The following DPYSL2 variants were observed in gnomAD, a reference collection of about 807,000 sequenced individuals.
The protein encoded by DPYSL2 is dihydropyrimidinase-related protein 2.
Under a neutral mutation model 69.9 loss-of-function variants are expected in DPYSL2, and 13 were observed. That is an observed-to-expected ratio of 0.19 (90% CI 0.12 to 0.30). The LOEUF is 0.30. Ranked by LOEUF, DPYSL2 falls within the 10% of genes least tolerant of loss-of-function variation. The pLI is 1.00. For missense variants in DPYSL2, 587 were observed against 918.9 expected (o/e 0.64, Z 4.67); for synonymous variants, 326 against 359.1 (o/e 0.91, Z 1.04).
At chr8:26,541,322 A>G (rs915077433) in intron 1 of DPYSL2, among the ~76,000 whole-genome samples, 6 of 152,244 alleles carry the variant, frequency 3.9e-5, no homozygotes, top group Admixed American at 6.5e-5. Flanking sequence ...TTTAAAATTG[A>G]TGGAGAGATA....
Position 26,554,188 on chromosome 8 carries a change from A to AT in DPYSL2, c.355-27775dup, listed in dbSNP as rs1478163835. Among the ~76,000 whole-genome samples the AT allele has an allele frequency of 3.3e-5, 5 of 152,000 alleles. No homozygotes were observed. The East Asian group carries it at 9.7e-4, about 29-fold the overall frequency. ...CAGGCATGAGCTACCGTGCCTGGCC[A>AT]TTTTTTGGCTTTTTAATAATAGCCA... On this transcript the variant is annotated intron_variant, in intron 1 of 13. Coordinates refer to ENST00000521913, the MANE Select transcript of DPYSL2 (RefSeq NM_001197293.3).
rs1217756892 is a variant in DPYSL2 at position 26,583,680 on chromosome 8, A to G, written c.444-119A>G. 1.1e-5 allele frequency: 10 copies of G among 897,260 alleles called. No homozygotes were observed. The East Asian group carries it at 2.6e-4, about 23-fold the overall frequency. 55.6% of individuals were successfully genotyped at this position (897,260 alleles called of 1,614,324 possible). A position where few individuals can be genotyped will look rare whatever the true frequency, so the allele number is the denominator to read the frequency against. ...TGTTTTATTATGAATCGTAACAATG[A>G]TCTGAAAAGCCCACGGCACAGAGCG... On this transcript the variant is annotated intron_variant, in intron 2 of 13. Coordinates refer to ENST00000521913, the MANE Select transcript of DPYSL2 (RefSeq NM_001197293.3).
In DPYSL2 at chr8:26,627,977, C is replaced by T. The variant is rs757828034; in HGVS notation, c.1005+37C>T. The T allele has an allele frequency of 2.5e-6, 4 of 1,602,292 alleles. No individual in the cohort carries two copies. In the South Asian group the frequency reaches 4.5e-5, roughly 18 times the overall value. On this transcript the variant is annotated intron_variant, in intron 7 of 13. Coordinates refer to ENST00000521913, the MANE Select transcript of DPYSL2 (RefSeq NM_001197293.3). The surrounding 1 kb of genome is among the most constrained non-coding windows in gnomAD (Gnocchi z 6.9). ...CCAAGCGGAATGCGTGAATCAGTGT[C>T]CCTTGGGCACTGTGCAGAGCCTCAG...
rs77560160 is a variant in DPYSL2 at position 26,580,495 on chromosome 8, C to T, written c.355-1474C>T. On this transcript the variant is annotated intron_variant, in intron 1 of 13. Coordinates refer to ENST00000521913, the MANE Select transcript of DPYSL2 (RefSeq NM_001197293.3). This position sits in a 1 kb window ranked among gnomAD's most constrained non-coding sequence, Gnocchi z 4.1. The stretch of plus-strand genomic sequence containing the variant: ...TTCTCCTTTGACTTTCCAAAGTCTA[C>T]GTGAGGATCAGGGACCCTGCAGTGT... Among the ~76,000 whole-genome samples, 8,976 of 152,260 alleles carry T rather than the reference C, an allele frequency of 0.059. 295 individuals are homozygous for T. The highest frequency in any genetic ancestry group is 0.14 in the South Asian group (679 of 4,820).
Position 26,645,974 on chromosome 8 carries a change from T to C in DPYSL2, c.1426-1656T>C, listed in dbSNP as rs143343814. Among the ~76,000 whole-genome samples, 1,460 of 152,256 alleles carry C rather than the reference T, an allele frequency of 9.6e-3. 13 individuals are homozygous for C. The highest frequency in any genetic ancestry group is 0.051 in the Middle Eastern group (15 of 294). On this transcript the variant is annotated intron_variant, in intron 10 of 13. Coordinates refer to ENST00000521913, the MANE Select transcript of DPYSL2 (RefSeq NM_001197293.3). ...TCCGCCTCCCGGGTTCACGCAATTC[T>C]CTTGCTTCAGCCTCCTGAGTAGCTG...
At chr8:26,538,414 C>T (rs935892645) in intron 1 of DPYSL2, among the ~76,000 whole-genome samples, 1 of 152,132 alleles carries the variant, frequency 6.6e-6, no homozygotes, top group Non-Finnish European at 1.5e-5. Context: ...TGCTACCCCT[C>T]CCTCAGTCTG....
chr8:26,561,793 G>A lies in DPYSL2; in HGVS notation c.355-20176G>A, dbSNP rs564789862. Among the ~76,000 whole-genome samples the A allele has an allele frequency of 1.6e-4, 24 of 152,190 alleles. 1 individual carries two copies. In the South Asian group the frequency reaches 2.9e-3, roughly 18 times the overall value. ...CCATGTGCAGTTCACAGTAGGGTTCGAGCTCCTATGAAGATCTACTGGCTG... is the reference window on the plus strand; with the variant it reads ...CCATGTGCAGTTCACAGTAGGGTTCAAGCTCCTATGAAGATCTACTGGCTG... On this transcript the variant is annotated intron_variant, in intron 1 of 13. Coordinates refer to ENST00000521913, the MANE Select transcript of DPYSL2 (RefSeq NM_001197293.3).
rs1439730324 is a variant in DPYSL2 at position 26,516,928 on chromosome 8, T to C, written c.354+2249T>C. 6.6e-6 allele frequency among the ~76,000 whole-genome samples: 1 copy of C among 152,236 alleles called. No individual in the cohort carries two copies. The highest frequency in any genetic ancestry group is 1.5e-5 in the Non-Finnish European group (1 of 68,040). On this transcript the variant is annotated intron_variant, in intron 1 of 13. Coordinates refer to ENST00000521913, the MANE Select transcript of DPYSL2 (RefSeq NM_001197293.3). This position sits in a 1 kb window ranked among gnomAD's most constrained non-coding sequence, Gnocchi z 4.8. ...GTGGCTATACATGTGTTTATATTTA[T>C]AACAATGTGACTTCCGAAAAGCTCA...
chr8:26,628,393 G>C (rs1397746598), intron 7 of DPYSL2, among the ~76,000 whole-genome samples: 2 of 152,208 alleles, frequency 1.3e-5, no homozygotes, highest in African/African-American at 2.4e-5. Context: ...CACATGATAT[G>C]CAGAGTTTGG....
In DPYSL2 at chr8:26,620,288, G is replaced by A. The variant is rs1028579765; in HGVS notation, c.629-3855G>A. On this transcript the variant is annotated intron_variant, in intron 3 of 13. Coordinates refer to ENST00000521913, the MANE Select transcript of DPYSL2 (RefSeq NM_001197293.3). The surrounding 1 kb of genome is among the most constrained non-coding windows in gnomAD (Gnocchi z 4.5). ...TCCTTTTTTTTTGAGGCAGTCTCTTGCTCTGTCACCCAAGCTGGAGTGCAG... is the reference window on the plus strand; with the variant it reads ...TCCTTTTTTTTTGAGGCAGTCTCTTACTCTGTCACCCAAGCTGGAGTGCAG... 6.6e-6 allele frequency among the ~76,000 whole-genome samples: 1 copy of A among 151,968 alleles called. No homozygotes were observed. The highest frequency in any genetic ancestry group is 1.5e-5 in the Non-Finnish European group (1 of 68,004).
At chr8:26,634,349 C>T (rs933898600) in intron 7 of DPYSL2, among the ~76,000 whole-genome samples, 6 of 151,046 alleles carry the variant, frequency 4.0e-5, no homozygotes, top group African/African-American at 1.5e-4. Context: ...ACTGCCACCT[C>T]TGCCTGCTGG....
chr8:26,629,948 C>T (rs1301911037), intron 7 of DPYSL2, among the ~76,000 whole-genome samples: 2 of 148,518 alleles, frequency 1.3e-5, no homozygotes, highest in East Asian at 4.1e-4. Context: ...TGCACAAGCA[C>T]ACACACGTGC....
intron 10 of DPYSL2, among the ~76,000 whole-genome samples, chr8:26,645,419 T>C (rs1195851067): frequency 6.6e-6 from 1 of 151,896 alleles, no homozygotes. Flanking sequence ...ATAATAATAA[T>C]AATATTGGCA....
intron 8 of DPYSL2, chr8:26,637,554 G>A (rs1022652287): frequency 7.2e-5 from 11 of 152,176 alleles, no homozygotes; most frequent in Non-Finnish European, 4.4e-5. Flanking sequence ...TGTGACCTGT[G>A]TCTGTTGGGG....
chr8:26,643,994 C>T lies in DPYSL2; in HGVS notation c.1328C>T (p.Thr443Ile). 6.2e-7 allele frequency: 1 copy of T among 1,614,246 alleles called. No individual in the cohort carries two copies. The change falls in exon 10 of 14, where the codon ACT (threonine) becomes ATT (isoleucine). Residue 443 changes from threonine to isoleucine, a missense_variant. Physicochemically the swap from Thr to Ile is moderately conservative, Grantham distance 89. Transcript: ENST00000521913. This position sits in a 1 kb window ranked among gnomAD's most constrained non-coding sequence, Gnocchi z 6.5. ...GGCAGTGCCCATTGCACGTTTAACA[C>T]TGCCCAGAAGGCTGTAGGAAAGGAC... Reference protein sequence around the residue: ...VTGSAHCTFNTAQKAVGKDNF... With the variant: ...VTGSAHCTFNIAQKAVGKDNF...
In DPYSL2 at chr8:26,609,925, C is replaced by T. The variant is rs1802190275; in HGVS notation, c.629-14218C>T. Among the ~76,000 whole-genome samples, 1 of 152,204 alleles carries T rather than the reference C, an allele frequency of 6.6e-6. No individual in the cohort carries two copies. The highest frequency in any genetic ancestry group is 6.5e-5 in the Admixed American group (1 of 15,284). On this transcript the variant is annotated intron_variant, in intron 3 of 13. Coordinates refer to ENST00000521913, the MANE Select transcript of DPYSL2 (RefSeq NM_001197293.3). The surrounding 1 kb of genome is among the most constrained non-coding windows in gnomAD (Gnocchi z 6.5). The stretch of plus-strand genomic sequence containing the variant: ...CAAACCCAGGAAGTGAAGTAGGGAG[C>T]TATCCTTCCTCACCTCCTCCCTGTC...
chr8:26,650,743 G>A lies in DPYSL2; in HGVS notation c.1597-1514G>A, dbSNP rs1411453667. ...ACCATCTGCTGTGCAGACAGGGGTG[G>A]CAGAAAATCTCGCAGGCCTCGACCT... On this transcript the variant is annotated intron_variant, in intron 11 of 13. Coordinates refer to ENST00000521913, the MANE Select transcript of DPYSL2 (RefSeq NM_001197293.3). The surrounding 1 kb of genome is among the most constrained non-coding windows in gnomAD (Gnocchi z 5.3). 6.6e-6 allele frequency among the ~76,000 whole-genome samples: 1 copy of A among 152,206 alleles called. No homozygotes were observed. Among genetic ancestry groups the A allele is most frequent in the African/African-American group, 2.4e-5 (1 of 41,464 alleles).
At chr8:26,574,964 G>A (rs1462030723) in intron 1 of DPYSL2, among the ~76,000 whole-genome samples, 1 of 152,004 alleles carries the variant, frequency 6.6e-6, no homozygotes, top group Non-Finnish European at 1.5e-5. Context: ...ATGGAGTTTC[G>A]CTCTTGTTGC....
At position 26,565,769 on chromosome 8, in the gene DPYSL2, C is replaced by T. The variant is rs1030439666; in HGVS notation, c.355-16200C>T. Reference sequence around the variant, plus strand: ...TCTGTTGAGTGGGCAGAGAAAGGTACAGGGTCCCCGCTCCATGCAATTAAC... The same window carrying T: ...TCTGTTGAGTGGGCAGAGAAAGGTATAGGGTCCCCGCTCCATGCAATTAAC... On this transcript the variant is annotated intron_variant, in intron 1 of 13. Coordinates refer to ENST00000521913, the MANE Select transcript of DPYSL2 (RefSeq NM_001197293.3). The surrounding 1 kb of genome is among the most constrained non-coding windows in gnomAD (Gnocchi z 4.1). Among the ~76,000 whole-genome samples, 8 of 152,224 alleles carry T rather than the reference C, an allele frequency of 5.3e-5. No homozygotes were observed. The highest frequency in any genetic ancestry group is 1.9e-4 in the African/African-American group (8 of 41,546).
Sources: allele counts gnomAD v4.1 joint callset (sites outside exome capture counted in the v4.1 genomes callset), GRCh38; gene constraint gnomAD v4.1.1; non-coding constraint Gnocchi (gnomAD v3.1); transcripts MANE v1.5; gene names NCBI Gene and HGNC (gene_info 2026-07-23, HGNC 2026-07-21).